Variants in ZNF347 observed in about 807,000 individuals in gnomAD.
The protein encoded by ZNF347 is CTD-2620I22.7.
In ZNF347, 19 loss-of-function variants were observed where a neutral mutation model predicts 12.9. That is an observed-to-expected ratio of 1.47 (90% CI 1.03 to 2.16). ZNF347 has a LOEUF of 2.16. ZNF347 is among the 30% of genes most tolerant of loss of function. ZNF347 has a pLI of 0.00. For missense variants in ZNF347, 1,005 were observed against 990.6 expected, an observed-to-expected ratio of 1.01 and a Z score of -0.19; for synonymous variants, 328 against 340.6, an observed-to-expected ratio of 0.96 and a Z score of 0.41.
chr19:53,143,740 C>T (rs1179000547), intron 4 of ZNF347, among the ~76,000 whole-genome samples: 6 of 152,048 alleles, frequency 3.9e-5, no homozygotes, highest in Non-Finnish European at 5.9e-5. Context: ...TGGGTATATA[C>T]CCAGTAATGG....
In ZNF347 at chr19:53,140,839, A is replaced by G. The variant is rs2090418483; in HGVS notation, c.1989T>C (p.Thr663=). The change falls in exon 5 of 5, where the codon ACT becomes ACC. Residue 663 remains threonine, a synonymous_variant. Transcript: ENST00000334197. ...GATGTCTTGCAAGGTGTGAATTCTG[A>G]GTGAAGACCTTGCCACACTCATTAC... ...YKCNECGKVF[T]QNSHLARHRR... is the part of the protein sequence containing the mutation. 6.2e-7 allele frequency: 1 copy of G among 1,613,890 alleles called. No homozygotes were observed. The highest frequency in any genetic ancestry group is 1.1e-5 in the South Asian group (1 of 91,052).
At chr19:53,154,041 G>T (rs147331632) in intron 1 of ZNF347, among the ~76,000 whole-genome samples, 1 of 152,094 alleles carries the variant, frequency 6.6e-6, no homozygotes, top group East Asian at 1.9e-4. Flanking sequence ...TCCTCCTGGA[G>T]AAGCCCACAC....
Position 53,141,425 on chromosome 19 carries a change from C to A in ZNF347, c.1403G>T (p.Arg468Leu). The change falls in exon 5 of 5, where the codon CGT (arginine) becomes CTT (leucine). Residue 468 changes from arginine (R) to leucine (L), a missense_variant. Physicochemically the swap from Arg to Leu is moderately radical, Grantham distance 102 (BLOSUM62 -2). Coordinates refer to ENST00000334197, the MANE Select transcript of ZNF347 (RefSeq NM_032584.3). ...KCHECGKVFR[R>L]NSHLARHQLI... The stretch of plus-strand genomic sequence containing the variant: ...CTGATGCCTTGCAAGGTGTGAATTA[C>A]GCCTAAAGACCTTGCCGCATTCATG... 6.2e-7 allele frequency: 1 copy of A among 1,611,726 alleles called. No homozygotes were observed. The highest frequency in any genetic ancestry group is 8.5e-7 in the Non-Finnish European group (1 of 1,179,288).
rs983389144 is a variant in ZNF347, at chr19:53,154,850, TA to T, written c.-46-1058del. 6.4e-3 allele frequency among the ~76,000 whole-genome samples: 882 copies of T among 138,162 alleles called. 4 individuals are homozygous for T. The highest frequency in any genetic ancestry group is 0.011 in the African/African-American group (430 of 38,222). The allele number at this position is 138,162 out of a possible 152,430, so 90.6% of individuals were successfully genotyped here. A position where few individuals can be genotyped will look rare whatever the true frequency, so the allele number is the denominator to read the frequency against. ...CTGAAGGCAAGAATTGAACATAAAGTAAAAAAAAAAAAAATTGTAGTGTATT... is the reference window on the plus strand; with the variant it reads ...CTGAAGGCAAGAATTGAACATAAAGTAAAAAAAAAAAAATTGTAGTGTATT... On this transcript the variant is annotated intron_variant, in intron 1 of 4. Coordinates refer to ENST00000334197, the MANE Select transcript of ZNF347 (RefSeq NM_032584.3).
rs866010600 is a variant in ZNF347, at chr19:53,141,974, T to A, written c.854A>T (p.Lys285Ile). Residue 285 changes from lysine (K) to isoleucine (I), a missense_variant, in exon 5 of 5, where the codon AAA becomes ATA. Coordinates refer to ENST00000334197, the MANE Select transcript of ZNF347 (RefSeq NM_032584.3). ...CTCATAACATTTGTAAGGTTTCTCTTTAGTATGACTTCTCTGATGACTTGC... is the reference window on the plus strand; with the variant it reads ...CTCATAACATTTGTAAGGTTTCTCTATAGTATGACTTCTCTGATGACTTGC... The part of the protein sequence containing the change: ...HLASHQRSHT[K>I]EKPYKCYECG... The A allele has an allele frequency of 6.2e-7, 1 of 1,614,024 alleles. No individual in the cohort carries two copies. Among genetic ancestry groups the A allele is most frequent in the Non-Finnish European group, 8.5e-7 (1 of 1,179,996 alleles).
Position 53,154,850 on chromosome 19 carries a change from T to TAA in ZNF347, c.-46-1059_-46-1058dup, listed in dbSNP as rs983389144. 2.6e-3 allele frequency among the ~76,000 whole-genome samples: 365 copies of TAA among 138,482 alleles called. 1 individual carries two copies. Among genetic ancestry groups the TAA allele is most frequent in the African/African-American group, 9.2e-3 (352 of 38,246 alleles). The allele number at this position is 138,482 out of a possible 152,430, so 90.8% of individuals were successfully genotyped here. A position where few individuals can be genotyped will look rare whatever the true frequency, so the allele number is the denominator to read the frequency against. On this transcript the variant is annotated intron_variant, in intron 1 of 4. Coordinates refer to ENST00000334197, the MANE Select transcript of ZNF347 (RefSeq NM_032584.3). Reference sequence around the variant, plus strand: ...CTGAAGGCAAGAATTGAACATAAAGTAAAAAAAAAAAAAATTGTAGTGTAT... The same window carrying TAA: ...CTGAAGGCAAGAATTGAACATAAAGTAAAAAAAAAAAAAAAATTGTAGTGTAT...
chr19:53,146,949 A>G (rs1239836910), intron 4 of ZNF347, among the ~76,000 whole-genome samples: 1 of 152,166 alleles, frequency 6.6e-6, no homozygotes, highest in Non-Finnish European at 1.5e-5. Flanking sequence ...AGAAGAACTA[A>G]TACTGGCTAG....
Position 53,140,797 on chromosome 19 carries a change from TC to T in ZNF347, c.2030del (p.Gly677GlufsTer48). The T allele has an allele frequency of 6.2e-7, 1 of 1,613,612 alleles. No homozygotes were observed. Among genetic ancestry groups the T allele is most frequent in the Non-Finnish European group, 8.5e-7 (1 of 1,179,726 alleles). ...HLARHRRVHT[G>X]GKPYQCNECG... ...ATTCATTACACTGGTAAGGTTTACC[TC>T]CAGTATGAACTCTCCGATGTCTTGC... On this transcript the variant is annotated frameshift_variant, in exon 5 of 5. Transcript: ENST00000334197. LOFTEE classifies it low-confidence loss of function (END_TRUNC).
At position 53,142,175 on chromosome 19, in the gene ZNF347, G is replaced by A. The variant is rs1262137906; in HGVS notation, c.653C>T (p.Ser218Phe). Residue 218 changes from serine (S) to phenylalanine (F), a missense_variant, in exon 5 of 5, where the codon TCC becomes TTC. Transcript: ENST00000334197. ...NQVEKSFNNN[S>F]SVSPPQQMPY... is the part of the protein sequence containing the mutation. Reference sequence around the variant, plus strand: ...CATTTGTTGAGGTGGTGAAACTGAGGAATTATTGTTGAAAGACTTCTCAAC... The same window carrying A: ...CATTTGTTGAGGTGGTGAAACTGAGAAATTATTGTTGAAAGACTTCTCAAC... The A allele has an allele frequency of 1.9e-6, 3 of 1,613,830 alleles. No homozygotes were observed. Among genetic ancestry groups the A allele is most frequent in the African/African-American group, 2.7e-5 (2 of 74,914 alleles).
rs115724872 is a variant in ZNF347 at position 53,153,016 on chromosome 19, C to A, written c.15+717G>T. On this transcript the variant is annotated intron_variant, in intron 2 of 4. Transcript: ENST00000334197. ...GGGAAAGAAGTTCTGCTCCTATAAC[C>A]GAACAAAATAATAACCACTCTCACC... Among the ~76,000 whole-genome samples the A allele has an allele frequency of 4.3e-3, 660 of 152,268 alleles. 6 individuals carry two copies. Among genetic ancestry groups the A allele is most frequent in the African/African-American group, 0.014 (585 of 41,542 alleles).
intron 2 of ZNF347, among the ~76,000 whole-genome samples, chr19:53,151,531 G>A (rs1173109413): frequency 1.2e-4 from 7 of 56,822 alleles, no homozygotes; most frequent in African/African-American, 3.7e-4. Flanking sequence ...GAGCAAGACT[G>A]TCTAAAAAAA....
rs1178984725 is a variant in ZNF347, at chr19:53,135,339, T to TAGAGAGAGAGAGAGAGAGAG, written c.*4949_*4968dup. ...ATATATATATATATATATATATATA[T>TAGAGAGAGAGAGAGAGAGAG]AGAGAGAGAGAGAGAGAGAGAGAGA... On this transcript the variant is annotated 3_prime_UTR_variant, in exon 5 of 5. Transcript: ENST00000334197. 1.2e-5 allele frequency: 1 copy of TAGAGAGAGAGAGAGAGAGAG among 85,252 alleles called. No homozygotes were observed. The highest frequency in any genetic ancestry group is 5.8e-5 in the African/African-American group (1 of 17,156). The allele number at this position is 85,252 out of a possible 1,614,324, so 5.3% of individuals were successfully genotyped here.
rs773013017 is a variant in ZNF347 at position 53,141,577 on chromosome 19, T to A, written c.1251A>T (p.Thr417=). The A allele has an allele frequency of 1.5e-5, 24 of 1,613,956 alleles. No individual in the cohort carries two copies. Among genetic ancestry groups the A allele is most frequent in the Non-Finnish European group, 2.0e-5 (24 of 1,179,986 alleles). The change falls in exon 5 of 5, where the codon ACA becomes ACT. Residue 417 remains threonine, a synonymous_variant. Coordinates refer to ENST00000334197, the MANE Select transcript of ZNF347 (RefSeq NM_032584.3). The part of the protein sequence containing the change: ...GKVFTQNSHL[T]NHWRIHTGEK... ...CTCCAGTGTGAATTCTCCAGTGATT[T>A]GTAAGGTGTGAATTTTGAGTGAAGA... is the stretch of plus-strand genomic sequence containing the variant.
At position 53,142,049 on chromosome 19, in the gene ZNF347, G is replaced by C. The variant is rs765082961; in HGVS notation, c.779C>G (p.Pro260Arg). Residue 260 changes from proline (P) to arginine (R), a missense_variant, in exon 5 of 5, where the codon CCT becomes CGT. By Grantham distance (103) the Pro-to-Arg change is moderately radical. Coordinates refer to ENST00000334197, the MANE Select transcript of ZNF347 (RefSeq NM_032584.3). ...QGQKANNWGS[P>R]YKSNGCGMVF... Reference sequence around the variant, plus strand: ...CATGCCACATCCATTAGATTTGTAAGGGCTTCCCCAATTATTTGCTTTTTG... The same window carrying C: ...CATGCCACATCCATTAGATTTGTAACGGCTTCCCCAATTATTTGCTTTTTG... The C allele has an allele frequency of 6.2e-7, 1 of 1,613,540 alleles. No individual in the cohort carries two copies. The highest frequency in any genetic ancestry group is 1.3e-5 in the African/African-American group (1 of 74,866).
At chr19:53,151,795 T>C (rs1032684507) in intron 2 of ZNF347, among the ~76,000 whole-genome samples, 4 of 152,010 alleles carry the variant, frequency 2.6e-5, no homozygotes, top group Non-Finnish European at 5.9e-5. Context: ...CAAAACTTAT[T>C]TAAAATCATG....
Position 53,142,162 on chromosome 19 carries a change from T to G in ZNF347, c.666A>C (p.Pro222=). The change falls in exon 5 of 5, where the codon CCA becomes CCC. Residue 222 remains proline (P), a synonymous_variant. Coordinates refer to ENST00000334197, the MANE Select transcript of ZNF347 (RefSeq NM_032584.3). The part of the protein sequence containing the change: ...KSFNNNSSVS[P]PQQMPYNVKT... ...TGACATTATAAGGCATTTGTTGAGG[T>G]GGTGAAACTGAGGAATTATTGTTGA... 6.2e-7 allele frequency: 1 copy of G among 1,614,016 alleles called. No individual in the cohort carries two copies. The highest frequency in any genetic ancestry group is 1.1e-5 in the South Asian group (1 of 91,022).
intron 2 of ZNF347, among the ~76,000 whole-genome samples, chr19:53,152,234 G>A (rs574106662): frequency 6.6e-6 from 1 of 152,188 alleles, no homozygotes; most frequent in South Asian, 2.1e-4. Flanking sequence ...CAATAAAGAT[G>A]TAGAATGAGC....
chr19:53,156,048 G>GGGGGGC lies in ZNF347; in HGVS notation c.-46-2256_-46-2255insGCCCCC, dbSNP rs1274652407. ...GACTCCCAGGGGACTCCCAGCTCGG[G>GGGGGGC]GGGGGGGGGGGGTTAGGCGGGGGTC... On this transcript the variant is annotated intron_variant, in intron 1 of 4. Transcript: ENST00000334197. Among the ~76,000 whole-genome samples the GGGGGGC allele has an allele frequency of 9.1e-3, 1,020 of 112,080 alleles. 113 individuals are homozygous for GGGGGGC. Among genetic ancestry groups the GGGGGGC allele is most frequent in the African/African-American group, 0.031 (942 of 30,064 alleles). The allele number at this position is 112,080 out of a possible 152,430, so 73.5% of individuals were successfully genotyped here. A position where few individuals can be genotyped will look rare whatever the true frequency, so the allele number is the denominator to read the frequency against.
At position 53,141,964 on chromosome 19, in the gene ZNF347, A is replaced by G; in HGVS notation, c.864T>C (p.Pro288=). The G allele has an allele frequency of 6.2e-7, 1 of 1,614,028 alleles. No homozygotes were observed. The highest frequency in any genetic ancestry group is 8.5e-7 in the Non-Finnish European group (1 of 1,179,992). ...SHQRSHTKEK[P]YKCYECGKAF... Reference sequence around the variant, plus strand: ...CTTTGCCACACTCATAACATTTGTAAGGTTTCTCTTTAGTATGACTTCTCT... The same window carrying G: ...CTTTGCCACACTCATAACATTTGTAGGGTTTCTCTTTAGTATGACTTCTCT... The change falls in exon 5 of 5, where the codon CCT becomes CCC. Residue 288 remains proline (P), a synonymous_variant. Transcript: ENST00000334197.
Sources: gnomAD v4.1 joint callset for allele counts (sites outside exome capture counted in the v4.1 genomes callset) on GRCh38, gnomAD v4.1.1 for gene constraint, MANE v1.5 for transcripts, NCBI Gene and HGNC (gene_info 2026-07-23, HGNC 2026-07-21) for gene names.